The following DENND5B variants were observed in gnomAD, a reference collection of about 807,000 sequenced individuals.
The protein encoded by DENND5B is DENN domain-containing protein 5B.
In DENND5B, 34 loss-of-function variants were observed where a neutral mutation model predicts 140.6. The ratio of observed to expected loss-of-function variants is 0.24; its 90% CI spans 0.18 to 0.32. DENND5B has a LOEUF of 0.32. Ranked by LOEUF, DENND5B falls within the 10% of genes least tolerant of loss-of-function variation. The pLI, the probability that DENND5B is intolerant of heterozygous loss-of-function variation, is 1.00. For missense variants in DENND5B, 1,142 were observed against 1,560.2 expected (o/e 0.73, Z 4.52); for synonymous variants, 551 against 562.1 (o/e 0.98, Z 0.28).
intron 7 of DENND5B, among the ~76,000 whole-genome samples, chr12:31,433,688 T>C (rs1475575284): frequency 6.6e-6 from 1 of 152,172 alleles, no homozygotes; most frequent in East Asian, 1.9e-4. Flanking sequence ...AATTCTAGCG[T>C]CCTAAAAGAA....
intron 1 of DENND5B, chr12:31,499,581 T>A (rs1946925912): frequency 2.0e-6 from 3 of 1,473,456 alleles, no homozygotes; most frequent in Non-Finnish European, 2.7e-6. Context: ...TAATAGCCCA[T>A]CCTTGTTCTT....
intron 1 of DENND5B, among the ~76,000 whole-genome samples, chr12:31,533,356 T>C (rs1275552989): frequency 6.6e-6 from 1 of 152,222 alleles, no homozygotes; most frequent in Non-Finnish European, 1.5e-5. Flanking sequence ...GTATTAGCTA[T>C]TGTAAGTAAT....
intron 10 of DENND5B, 58 bp from the exon 11 acceptor site, chr12:31,423,733 C>A: frequency 6.4e-7 from 1 of 1,555,270 alleles, no homozygotes; most frequent in Non-Finnish European, 8.9e-7. Context: ...AAAATAATTT[C>A]TCATCCAAAT....
chr12:31,459,857 G>A (rs982607616), intron 4 of DENND5B, among the ~76,000 whole-genome samples: 1 of 152,040 alleles, frequency 6.6e-6, no homozygotes, highest in Non-Finnish European at 1.5e-5. Context: ...TAAAACCTGG[G>A]CTGTATTGTT....
chr12:31,548,227 AC>A (rs1348124654), intron 1 of DENND5B, among the ~76,000 whole-genome samples: 1 of 151,894 alleles, frequency 6.6e-6, no homozygotes. Context: ...CCCCACCTCT[AC>A]AAAAAAAGTT....
chr12:31,466,932 A>G (rs536369489), intron 3 of DENND5B, among the ~76,000 whole-genome samples: 11 of 152,284 alleles, frequency 7.2e-5, no homozygotes, highest in African/African-American at 2.6e-4. Flanking sequence ...ATATAACCAG[A>G]GTTGAAAAGA....
At chr12:31,435,371 C>G (rs1431429156) in intron 7 of DENND5B, among the ~76,000 whole-genome samples, 3 of 152,178 alleles carry the variant, frequency 2.0e-5, no homozygotes, top group African/African-American at 7.2e-5. Flanking sequence ...AGGCTCAAAA[C>G]TGTGTCTTCC....
In DENND5B at chr12:31,420,269, C is replaced by T. The variant is rs141642469; in HGVS notation, c.2470+3328G>A. On this transcript the variant is annotated intron_variant, in intron 11 of 20. Coordinates refer to ENST00000389082, the MANE Select transcript of DENND5B (RefSeq NM_144973.4). ...TCAGCCTCCCAAGCATCTGGGACCA[C>T]AAGCATGTGTCACTATACCTGGCTA... is the stretch of plus-strand genomic sequence containing the variant. Among the ~76,000 whole-genome samples, 892 of 152,148 alleles carry T rather than the reference C, an allele frequency of 5.9e-3. 8 individuals carry two copies. The highest frequency in any genetic ancestry group is 0.014 in the Middle Eastern group (4 of 294).
At chr12:31,554,105 T>C (rs1949181784) in intron 1 of DENND5B, among the ~76,000 whole-genome samples, 1 of 152,340 alleles carries the variant, frequency 6.6e-6, no homozygotes, top group African/African-American at 2.4e-5. Context: ...ATCCTGTCAT[T>C]ATGATGTTAG....
intron 7 of DENND5B, among the ~76,000 whole-genome samples, chr12:31,439,486 C>CTT (rs10712521): frequency 6.6e-6 from 1 of 150,644 alleles, no homozygotes; most frequent in Non-Finnish European, 1.5e-5. Context: ...TATTAGGTTC[C>CTT]TTTTTTTTTT....
At chr12:31,449,888 G>A (rs903207119) in intron 5 of DENND5B, among the ~76,000 whole-genome samples, 13 of 151,858 alleles carry the variant, frequency 8.6e-5, no homozygotes, top group Non-Finnish European at 1.6e-4. Flanking sequence ...CTGCCACCAC[G>A]CCCGGCTAAT....
intron 2 of DENND5B, among the ~76,000 whole-genome samples, chr12:31,492,014 AATCAAAGAGGAAAT>A (rs1271335483): frequency 3.9e-5 from 6 of 152,346 alleles, no homozygotes; most frequent in South Asian, 4.1e-4. Context: ...CTTACTAGTA[AATCAAAGAGGAAAT>A]TAAAGGCAGT....
At chr12:31,428,189 A>G (rs1423177482) in intron 8 of DENND5B, among the ~76,000 whole-genome samples, 1 of 151,954 alleles carries the variant, frequency 6.6e-6, no homozygotes, top group Non-Finnish European at 1.5e-5. Flanking sequence ...CGCCATCTCT[A>G]CTAAAAATAC....
At chr12:31,388,103 T>C (rs1428987251) in intron 20 of DENND5B, among the ~76,000 whole-genome samples, 1 of 147,402 alleles carries the variant, frequency 6.8e-6, no homozygotes, top group Non-Finnish European at 1.5e-5. Context: ...TTACCACCTT[T>C]AGAAAGAGGC....
chr12:31,549,510 CT>C (rs1195992047), intron 1 of DENND5B, among the ~76,000 whole-genome samples: 2 of 149,960 alleles, frequency 1.3e-5, no homozygotes, highest in African/African-American at 2.4e-5. Flanking sequence ...AAAGGCCATT[CT>C]TTTTTTTTAA....
chr12:31,585,672 G>A (rs377145493), intron 1 of DENND5B, among the ~76,000 whole-genome samples: 63 of 152,272 alleles, frequency 4.1e-4, no homozygotes, highest in African/African-American at 1.4e-3. Flanking sequence ...TATGTCTAAG[G>A]TCCCTTCAAG....
intron 1 of DENND5B, among the ~76,000 whole-genome samples, chr12:31,551,405 C>A (rs552664909): frequency 6.6e-6 from 1 of 152,252 alleles, no homozygotes; most frequent in African/African-American, 2.4e-5. Flanking sequence ...GGGCTCTGCT[C>A]TGTTCCATTG....
Position 31,385,620 on chromosome 12 carries a change from A to G in DENND5B, c.*1983T>C, listed in dbSNP as rs1361179695. Reference sequence around the variant, plus strand: ...AGCTGTACCATTGTAGACACACTTTAGCTTCAGGCAAACAAATTTCTGGTG... The same window carrying G: ...AGCTGTACCATTGTAGACACACTTTGGCTTCAGGCAAACAAATTTCTGGTG... On this transcript the variant is annotated 3_prime_UTR_variant, in exon 21 of 21. Transcript: ENST00000389082. 6.6e-6 allele frequency: 1 copy of G among 152,230 alleles called. No individual in the cohort carries two copies. The highest frequency in any genetic ancestry group is 1.5e-5 in the Non-Finnish European group (1 of 68,048). 9.4% of individuals were successfully genotyped at this position (152,230 alleles called of 1,614,324 possible).
At chr12:31,416,572 T>A (rs1031730632) in intron 11 of DENND5B, among the ~76,000 whole-genome samples, 3 of 152,140 alleles carry the variant, frequency 2.0e-5, no homozygotes, top group African/African-American at 7.2e-5. Flanking sequence ...CCAGTTACTT[T>A]CTAGTTACTT....
Sources: gnomAD v4.1 joint callset for allele counts (sites outside exome capture counted in the v4.1 genomes callset) on GRCh38, gnomAD v4.1.1 for gene constraint, MANE v1.5 for transcripts, NCBI Gene and HGNC (gene_info 2026-07-23, HGNC 2026-07-21) for gene names.